Variants in APBB2 observed in about 807,000 individuals in gnomAD.
APBB2 encodes the protein amyloid beta precursor protein binding family B member 2, also known as Fe65-like 1.
A neutral mutation model predicts 82.5 loss-of-function variants in APBB2; 38 were observed. That is an observed-to-expected ratio of 0.46 (90% CI 0.36 to 0.60). APBB2 has a LOEUF of 0.60. Ranked by LOEUF, APBB2 falls within the 20% of genes least tolerant of loss-of-function variation. The pLI, the probability that APBB2 is intolerant of heterozygous loss-of-function variation, is 0.00. For missense variants in APBB2, 772 were observed against 972.3 expected (o/e 0.79, Z 2.74); for synonymous variants, 341 against 368.2 (o/e 0.93, Z 0.85).
chr4:41,038,467 T>G (rs763836027), intron 4 of APBB2, among the ~76,000 whole-genome samples: 1 of 152,116 alleles, frequency 6.6e-6, no homozygotes, highest in Non-Finnish European at 1.5e-5. Context: ...CCATAACTCC[T>G]CCCCTGACAG....
rs182462265 is a variant in APBB2 at position 41,011,725 on chromosome 4, C to T, written c.835+1858G>A. ...GGATTACAGGCGTGAGCCATCATGC[C>T]GGTCTTAAAATTTATTATTAATATG... On this transcript the variant is annotated intron_variant, in intron 6 of 17. Transcript: ENST00000508593. Among the ~76,000 whole-genome samples, 5 of 152,108 alleles carry T rather than the reference C, an allele frequency of 3.3e-5. 1 individual carries two copies. The highest frequency in any genetic ancestry group is 2.0e-4 in the Admixed American group (3 of 15,274).
At chr4:41,089,122 G>A (rs1057067114) in intron 3 of APBB2, among the ~76,000 whole-genome samples, 12 of 152,172 alleles carry the variant, frequency 7.9e-5, no homozygotes, top group African/African-American at 1.9e-4. Context: ...ATTGACAACC[G>A]AGGCTGATAT....
At chr4:41,164,151 A>G (rs1045739209) in intron 1 of APBB2, among the ~76,000 whole-genome samples, 2 of 152,226 alleles carry the variant, frequency 1.3e-5, no homozygotes, top group Admixed American at 6.5e-5. Context: ...CACATAGCCT[A>G]AAGGAAATTT....
Position 40,815,950 on chromosome 4 carries a change from T to C in APBB2, c.*142A>G. On this transcript the variant is annotated 3_prime_UTR_variant, in exon 18 of 18. Coordinates refer to ENST00000508593, the MANE Select transcript of APBB2 (RefSeq NM_004307.2). ...TGGTGGCAAGACGAGAGAACATGCTTGTCTAACACTGCTTGGTTAAGGGTA... is the reference window on the plus strand; with the variant it reads ...TGGTGGCAAGACGAGAGAACATGCTCGTCTAACACTGCTTGGTTAAGGGTA... 2 of 887,582 alleles carry C rather than the reference T, an allele frequency of 2.3e-6. No homozygotes were observed. Among genetic ancestry groups the C allele is most frequent in the Non-Finnish European group, 3.5e-6 (2 of 571,754 alleles). The allele number at this position is 887,582 out of a possible 1,614,324, so 55.0% of individuals were successfully genotyped here.
chr4:41,094,183 G>A (rs930340280), intron 3 of APBB2, among the ~76,000 whole-genome samples: 15 of 152,176 alleles, frequency 9.9e-5, no homozygotes, highest in African/African-American at 3.4e-4. Flanking sequence ...TGAGTTTAGA[G>A]ACTGAGGTCC....
At chr4:41,151,424 T>C (rs556932953) in intron 1 of APBB2, among the ~76,000 whole-genome samples, 17 of 152,356 alleles carry the variant, frequency 1.1e-4, no homozygotes, top group African/African-American at 4.1e-4. Flanking sequence ...TTTTAATTTA[T>C]TTAATTTTAA....
In APBB2 at chr4:41,007,594, T is replaced by C. The variant is rs540037602; in HGVS notation, c.835+5989A>G. Among the ~76,000 whole-genome samples the C allele has an allele frequency of 2.6e-5, 4 of 152,322 alleles. 1 individual carries two copies. The South Asian group carries it at 8.3e-4, about 32-fold the overall frequency. ...AGACTGAATTAGTGGCCCCAATTCT[T>C]CATTCTTTCCAGGAGCCTAGAACAT... On this transcript the variant is annotated intron_variant, in intron 6 of 17. Coordinates refer to ENST00000508593, the MANE Select transcript of APBB2 (RefSeq NM_004307.2).
chr4:41,186,422 G>A (rs1474648490), intron 1 of APBB2, among the ~76,000 whole-genome samples: 1 of 152,184 alleles, frequency 6.6e-6, no homozygotes, highest in South Asian at 2.1e-4. Flanking sequence ...GCAGGGCTGT[G>A]TATGTATGCT....
intron 1 of APBB2, among the ~76,000 whole-genome samples, chr4:41,188,656 T>C (rs1316937534): frequency 1.3e-5 from 2 of 152,230 alleles, no homozygotes; most frequent in Non-Finnish European, 2.9e-5. Flanking sequence ...TAGAGTATTT[T>C]GTTACAGCAG....
At chr4:41,029,112 A>T (rs1715666695) in intron 5 of APBB2, among the ~76,000 whole-genome samples, 1 of 152,190 alleles carries the variant, frequency 6.6e-6, no homozygotes, top group African/African-American at 2.4e-5. Context: ...CTTGAATGAA[A>T]CTTCACATTT....
At chr4:40,992,882 G>A (rs950306889) in intron 6 of APBB2, among the ~76,000 whole-genome samples, 2 of 152,280 alleles carry the variant, frequency 1.3e-5, no homozygotes, top group South Asian at 2.1e-4. Flanking sequence ...GGATCTCTAC[G>A]TTGTGAAACA....
At chr4:40,868,787 A>G (rs895460708) in intron 12 of APBB2, among the ~76,000 whole-genome samples, 4 of 152,158 alleles carry the variant, frequency 2.6e-5, no homozygotes, top group Non-Finnish European at 2.9e-5. Flanking sequence ...GATTGGACCA[A>G]ATTGGTCCTT....
intron 2 of APBB2, among the ~76,000 whole-genome samples, chr4:41,119,016 G>A (rs1751983998): frequency 6.6e-6 from 1 of 152,016 alleles, no homozygotes; most frequent in Admixed American, 6.6e-5. Context: ...GTGCGCACCT[G>A]TGGCCCCAGC....
At chr4:41,027,155 C>T (rs1303251349) in intron 5 of APBB2, among the ~76,000 whole-genome samples, 2 of 151,950 alleles carry the variant, frequency 1.3e-5, no homozygotes, top group South Asian at 2.1e-4. Context: ...CTGCAGCACC[C>T]GATTAAAGCC....
chr4:41,100,817 C>T (rs1332518546), intron 2 of APBB2, 67 bp from the exon 3 acceptor site: 2 of 152,026 alleles, frequency 1.3e-5, no homozygotes, highest in South Asian at 2.1e-4. Flanking sequence ...ATCAAAATAC[C>T]CGACTGTCAT....
chr4:41,023,019 T>C (rs924202990), intron 5 of APBB2, among the ~76,000 whole-genome samples: 15 of 152,198 alleles, frequency 9.9e-5, no homozygotes, highest in Non-Finnish European at 2.1e-4. Context: ...ATATAATGTA[T>C]AGACCAATTT....
intron 12 of APBB2, among the ~76,000 whole-genome samples, chr4:40,831,937 A>C (rs12501553): frequency 0.17 from 25,344 of 151,558 alleles, 2,387 homozygotes; most frequent in East Asian, 0.27. Context: ...TGTATTTCTC[A>C]ATGTTAACAT....
At chr4:41,075,998 C>T (rs1322756123) in intron 3 of APBB2, among the ~76,000 whole-genome samples, 1 of 152,138 alleles carries the variant, frequency 6.6e-6, no homozygotes, top group East Asian at 1.9e-4. Flanking sequence ...GATTACAACC[C>T]GGTGCTTATC....
intron 6 of APBB2, among the ~76,000 whole-genome samples, chr4:41,001,798 A>T (rs1477338683): frequency 6.6e-6 from 1 of 152,008 alleles, no homozygotes; most frequent in Non-Finnish European, 1.5e-5. Context: ...GAATCGCTTG[A>T]ACCCGGGAGG....
Sources: allele counts gnomAD v4.1 joint callset (sites outside exome capture counted in the v4.1 genomes callset), GRCh38; gene constraint gnomAD v4.1.1; transcripts MANE v1.5; gene names NCBI Gene and HGNC (gene_info 2026-07-23, HGNC 2026-07-21).